SLC44A5: variants seen among roughly 807,000 people sequenced by gnomAD.
SLC44A5 encodes the protein solute carrier family 44 member 5, also known as choline transporter-like protein 5.
A neutral mutation model predicts 101.8 loss-of-function variants in SLC44A5; 57 were observed. The observed-to-expected ratio is 0.56, with a 90% CI of 0.45 to 0.70. SLC44A5 has a LOEUF of 0.70. SLC44A5 is among the 30% of genes least tolerant of loss of function. The pLI is 0.00. For missense variants in SLC44A5, 737 were observed against 853.1 expected, an observed-to-expected ratio of 0.86 and a Z score of 1.70; for synonymous variants, 281 against 290.9, an observed-to-expected ratio of 0.97 and a Z score of 0.35.
rs1461399178 is a variant in SLC44A5 at position 75,561,109 on chromosome 1, T to C, written c.-69-19593A>G. 3.3e-5 allele frequency among the ~76,000 whole-genome samples: 5 copies of C among 152,312 alleles called. No individual in the cohort carries two copies. The South Asian group carries it at 8.3e-4, about 25-fold the overall frequency. On this transcript the variant is annotated intron_variant, in intron 1 of 23. Transcript: ENST00000370859. ...AAGGAAACAAGATGTCAGTCTCTAT[T>C]TTCATGGATCACTTTTATCTGAAAT...
intron 3 of SLC44A5, among the ~76,000 whole-genome samples, chr1:75,394,147 G>A (rs1661974097): frequency 2.0e-5 from 3 of 152,112 alleles, no homozygotes; most frequent in Admixed American, 2.0e-4. Flanking sequence ...GAGTCAGGAG[G>A]AAACCCAGGA....
At chr1:75,386,971 A>G (rs1166348434) in intron 3 of SLC44A5, among the ~76,000 whole-genome samples, 1 of 152,040 alleles carries the variant, frequency 6.6e-6, no homozygotes, top group Non-Finnish European at 1.5e-5. Flanking sequence ...AGGATTCCCT[A>G]TTTAATAAAT....
chr1:75,440,057 G>A (rs746918037), intron 2 of SLC44A5, among the ~76,000 whole-genome samples: 19 of 152,016 alleles, frequency 1.2e-4, no homozygotes, highest in African/African-American at 2.4e-4. Flanking sequence ...ACATAAAATT[G>A]TACATGTCTT....
chr1:75,658,843 T>G, the SLC44A5 span, among the ~76,000 whole-genome samples: 6 of 152,006 alleles, frequency 3.9e-5, no homozygotes, highest in Non-Finnish European at 7.4e-5. Flanking sequence ...AAAATTTGGT[T>G]TTCTGAAAAG....
chr1:75,711,043 C>T, the SLC44A5 span, among the ~76,000 whole-genome samples: 1 of 152,300 alleles, frequency 6.6e-6, no homozygotes, highest in East Asian at 1.9e-4. Flanking sequence ...TATTGGTGAA[C>T]TTTCAGTTGC....
rs1048894698 is a variant in SLC44A5, at chr1:75,203,537, C to A, written c.*190G>T. The A allele has an allele frequency of 6.5e-6, 3 of 460,566 alleles. No individual in the cohort carries two copies. The highest frequency in any genetic ancestry group is 4.4e-5 in the Admixed American group (1 of 22,646). The allele number at this position is 460,566 out of a possible 1,614,324, so 28.5% of individuals were successfully genotyped here. On this transcript the variant is annotated 3_prime_UTR_variant, in exon 24 of 24. Transcript: ENST00000370859. The stretch of plus-strand genomic sequence containing the variant: ...GTATAAAAATGTTTTATGTTATTAA[C>A]AATTCCCTTGCGACTTCTGATGGCT...
At chr1:75,478,948 A>T (rs1418257080) in intron 2 of SLC44A5, among the ~76,000 whole-genome samples, 3 of 152,222 alleles carry the variant, frequency 2.0e-5, no homozygotes, top group Admixed American at 2.0e-4. Context: ...CAGAATATAC[A>T]TTTGTTTCAG....
chr1:75,480,002 A>C (rs1033480522), intron 2 of SLC44A5, among the ~76,000 whole-genome samples: 3 of 152,266 alleles, frequency 2.0e-5, no homozygotes, highest in African/African-American at 2.4e-5. Flanking sequence ...AAAAATCCTC[A>C]ATAAAATACT....
intron 10 of SLC44A5, among the ~76,000 whole-genome samples, chr1:75,237,283 A>G (rs1648178285): frequency 6.6e-6 from 1 of 152,124 alleles, no homozygotes; most frequent in Non-Finnish European, 1.5e-5. Context: ...CAGAGAGAAC[A>G]TGGTTTTCAA....
chr1:75,211,272 T>C (rs1282324225), intron 23 of SLC44A5, among the ~76,000 whole-genome samples, 196 bp downstream of exon 23: 1 of 152,210 alleles, frequency 6.6e-6, no homozygotes, highest in Non-Finnish European at 1.5e-5. Flanking sequence ...AGTATTTGTC[T>C]TTCTGCATCT....
intron 23 of SLC44A5, chr1:75,205,760 G>A (rs1646739882): frequency 1.3e-5 from 2 of 152,056 alleles, no homozygotes; most frequent in East Asian, 3.9e-4. Context: ...AGAAATACAG[G>A]TATACTCATG....
intron 4 of SLC44A5, among the ~76,000 whole-genome samples, chr1:75,333,679 A>G (rs1570702322): frequency 6.6e-6 from 1 of 152,296 alleles, no homozygotes; most frequent in African/African-American, 2.4e-5. Context: ...TCAGTAGGAG[A>G]GGCAGATAAT....
chr1:75,210,549 C>T (rs530192845), intron 23 of SLC44A5, among the ~76,000 whole-genome samples: 9 of 152,238 alleles, frequency 5.9e-5, no homozygotes, highest in Non-Finnish European at 1.3e-4. Flanking sequence ...TGCGAATTGG[C>T]CCTATATGTC....
intron 2 of SLC44A5, among the ~76,000 whole-genome samples, chr1:75,443,948 A>C (rs1665353708): frequency 6.6e-6 from 1 of 152,138 alleles, no homozygotes; most frequent in African/African-American, 2.4e-5. Flanking sequence ...TGATCATCTG[A>C]ATGGATATTG....
chr1:75,448,029 T>C (rs1452253536), intron 2 of SLC44A5, among the ~76,000 whole-genome samples: 3 of 152,126 alleles, frequency 2.0e-5, no homozygotes, highest in African/African-American at 7.2e-5. Flanking sequence ...CAATTAAATA[T>C]ATAAAAGACC....
intron 2 of SLC44A5, among the ~76,000 whole-genome samples, chr1:75,497,896 G>A (rs1418103545): frequency 1.3e-5 from 2 of 152,050 alleles, no homozygotes; most frequent in Admixed American, 6.6e-5. Context: ...TTGATTTTTT[G>A]AGTACTGCTG....
chr1:75,622,949 T>G, the SLC44A5 span, among the ~76,000 whole-genome samples: 1 of 152,238 alleles, frequency 6.6e-6, no homozygotes, highest in South Asian at 2.1e-4. Context: ...AACTAAATGC[T>G]TCTGACATAT....
chr1:75,689,708 C>T, the SLC44A5 span, among the ~76,000 whole-genome samples: 2 of 152,228 alleles, frequency 1.3e-5, no homozygotes, highest in African/African-American at 4.8e-5. Context: ...TACCTGGCTA[C>T]ATAATTTCAA....
chr1:75,609,369 A>G (rs1009885313), intron 1 of SLC44A5, among the ~76,000 whole-genome samples: 1 of 151,854 alleles, frequency 6.6e-6, no homozygotes, highest in Non-Finnish European at 1.5e-5. Flanking sequence ...TGATGTTTTG[A>G]TATATATACA....
Sources: allele counts gnomAD v4.1 joint callset (sites outside exome capture counted in the v4.1 genomes callset), GRCh38; gene constraint gnomAD v4.1.1; transcripts MANE v1.5; gene names NCBI Gene and HGNC (gene_info 2026-07-23, HGNC 2026-07-21).